The following ZNF385D variants were observed in gnomAD, a reference collection of about 807,000 sequenced individuals.
ZNF385D encodes the protein zinc finger protein 385D.
ZNF385D carries 15 observed loss-of-function variants against 35.8 expected under a neutral mutation model. The ratio of observed to expected loss-of-function variants is 0.42; its 90% CI spans 0.28 to 0.64. The LOEUF (loss-of-function observed/expected upper bound fraction) is 0.64. Ranked by LOEUF, ZNF385D falls within the 30% of genes least tolerant of loss-of-function variation. The pLI, the probability that ZNF385D is intolerant of heterozygous loss-of-function variation, is 0.23. For synonymous variants in ZNF385D, 212 were observed against 186.8 expected (o/e 1.13, Z -1.10); for missense variants, 474 against 494.6 (o/e 0.96, Z 0.39).
intron 4 of ZNF385D, among the ~76,000 whole-genome samples, chr3:21,438,652 T>G (rs1406942378): frequency 6.6e-6 from 1 of 152,132 alleles, no homozygotes; most frequent in Non-Finnish European, 1.5e-5. Flanking sequence ...CTGGATCTTG[T>G]TTCCTTTGCC....
intron 3 of ZNF385D, among the ~76,000 whole-genome samples, chr3:21,768,842 AT>A (rs890740055): frequency 1.3e-5 from 2 of 151,810 alleles, no homozygotes; most frequent in African/African-American, 4.8e-5. Context: ...ATCAGCAACC[AT>A]TTTTTCCCTC....
chr3:22,221,174 C>T (rs983978112), intron 2 of ZNF385D, among the ~76,000 whole-genome samples: 1 of 151,882 alleles, frequency 6.6e-6, no homozygotes, highest in Admixed American at 6.6e-5. Context: ...CACACAGAAA[C>T]ATATATGCAT....
At chr3:21,610,170 A>C (rs911429021) in intron 2 of ZNF385D, among the ~76,000 whole-genome samples, 1 of 152,042 alleles carries the variant, frequency 6.6e-6, no homozygotes, top group Non-Finnish European at 1.5e-5. Context: ...TTATGCATAT[A>C]TATGCATAAA....
chr3:22,081,153 A>G (rs1222225753), intron 3 of ZNF385D, among the ~76,000 whole-genome samples: 2 of 152,232 alleles, frequency 1.3e-5, no homozygotes, highest in African/African-American at 4.8e-5. Context: ...TACAAAATGT[A>G]ATAAATGTTC....
At chr3:21,894,268 A>C (rs1418490401) in intron 3 of ZNF385D, among the ~76,000 whole-genome samples, 1 of 152,190 alleles carries the variant, frequency 6.6e-6, no homozygotes, top group African/African-American at 2.4e-5. Context: ...ATCCACTGTC[A>C]CAAATACTAT....
At position 21,532,130 on chromosome 3, in the gene ZNF385D, T is replaced by C. The variant is rs754204023; in HGVS notation, c.277-21107A>G. Among the ~76,000 whole-genome samples the C allele has an allele frequency of 7.2e-5, 11 of 152,086 alleles. No individual in the cohort carries two copies. In the South Asian group the frequency reaches 1.7e-3, roughly 23 times the overall value. Reference sequence around the variant, plus strand: ...TGGGAGATAATGCACCTCCTTCGGATGTGGTTAGGTCTGCCTGTGATGTCA... The same window carrying C: ...TGGGAGATAATGCACCTCCTTCGGACGTGGTTAGGTCTGCCTGTGATGTCA... On this transcript the variant is annotated intron_variant, in intron 3 of 7. Coordinates refer to ENST00000281523, the MANE Select transcript of ZNF385D (RefSeq NM_024697.3).
exon 2 of ZNF385D, chr3:22,372,607 C>G (rs1171740841): frequency 3.7e-6 from 3 of 818,210 alleles, no homozygotes; most frequent in South Asian, 5.5e-5. Context: ...CACGGCTGCC[C>G]GCCTGCAGCT....
chr3:21,651,308 A>G (rs962109143), intron 2 of ZNF385D, among the ~76,000 whole-genome samples: 1 of 151,288 alleles, frequency 6.6e-6, no homozygotes, highest in African/African-American at 2.4e-5. Flanking sequence ...AAAAAAAAAA[A>G]AAAAAAGGTG....
At chr3:21,911,260 A>T (rs1354375470) in intron 3 of ZNF385D, among the ~76,000 whole-genome samples, 1 of 152,002 alleles carries the variant, frequency 6.6e-6, no homozygotes, top group Non-Finnish European at 1.5e-5. Flanking sequence ...AGAGTCCATT[A>T]GTTCTCATTT....
chr3:21,440,416 C>A (rs1322707980), intron 4 of ZNF385D, among the ~76,000 whole-genome samples: 1 of 152,066 alleles, frequency 6.6e-6, no homozygotes, highest in Non-Finnish European at 1.5e-5. Flanking sequence ...GACCAGTACT[C>A]CTCAAAACTA....
At chr3:22,103,623 T>A (rs571925595) in intron 3 of ZNF385D, among the ~76,000 whole-genome samples, 185 of 152,210 alleles carry the variant, frequency 1.2e-3, no homozygotes, top group African/African-American at 4.1e-3. Flanking sequence ...ACCAACAAAA[T>A]GACAACTGAG....
At chr3:21,722,998 T>C (rs2068606064) in intron 1 of ZNF385D, among the ~76,000 whole-genome samples, 1 of 152,172 alleles carries the variant, frequency 6.6e-6, no homozygotes, top group Non-Finnish European at 1.5e-5. Context: ...CACCCAGCCA[T>C]GTGCTTCCTT....
At chr3:22,228,701 G>C (rs1698709654) in intron 2 of ZNF385D, among the ~76,000 whole-genome samples, 1 of 152,160 alleles carries the variant, frequency 6.6e-6, no homozygotes, top group African/African-American at 2.4e-5. Flanking sequence ...ATTAACATTT[G>C]AGCCAGTGGA....
chr3:22,204,897 C>A (rs935772759), intron 2 of ZNF385D, among the ~76,000 whole-genome samples: 1 of 147,392 alleles, frequency 6.8e-6, no homozygotes, highest in East Asian at 2.0e-4. Context: ...CTAAGAGACA[C>A]TGGCCATAAA....
intron 3 of ZNF385D, among the ~76,000 whole-genome samples, chr3:21,847,437 T>G (rs749690271): frequency 6.6e-6 from 1 of 152,062 alleles, no homozygotes; most frequent in Non-Finnish European, 1.5e-5. Context: ...ACAATTGCAT[T>G]TCTATGTTTT....
intron 2 of ZNF385D, among the ~76,000 whole-genome samples, chr3:22,328,803 C>A (rs1297018528): frequency 1.4e-5 from 2 of 143,484 alleles, no homozygotes; most frequent in African/African-American, 5.2e-5. Flanking sequence ...TGGCCGGGCG[C>A]GGTGGCTCAC....
chr3:22,230,193 T>C (rs1474290981), intron 2 of ZNF385D, among the ~76,000 whole-genome samples: 5 of 152,124 alleles, frequency 3.3e-5, no homozygotes, highest in African/African-American at 1.2e-4. Flanking sequence ...TCATTTTCTA[T>C]TGCACCACCA....
chr3:21,467,704 G>A (rs371316990), intron 4 of ZNF385D, among the ~76,000 whole-genome samples: 8 of 152,144 alleles, frequency 5.3e-5, no homozygotes, highest in East Asian at 1.9e-4. Flanking sequence ...GACCATGTGC[G>A]GTTCATTTGG....
At chr3:22,014,518 T>G (rs941369436) in intron 3 of ZNF385D, among the ~76,000 whole-genome samples, 11 of 152,096 alleles carry the variant, frequency 7.2e-5, no homozygotes, top group Non-Finnish European at 8.8e-5. Flanking sequence ...GTATGTAAAA[T>G]GGGCTATGTT....
Sources: gnomAD v4.1 joint callset for allele counts (sites outside exome capture counted in the v4.1 genomes callset) on GRCh38, gnomAD v4.1.1 for gene constraint, MANE v1.5 for transcripts, NCBI Gene and HGNC (gene_info 2026-07-23, HGNC 2026-07-21) for gene names.